TMC3: variants seen among roughly 807,000 people sequenced by gnomAD.
TMC3 encodes the protein transmembrane channel like 3, also known as transmembrane channel-like protein 3.
In TMC3, 98 loss-of-function variants were observed where a neutral mutation model predicts 110.6. The observed-to-expected ratio is 0.89, with a 90% CI of 0.75 to 1.05. The LOEUF (loss-of-function observed/expected upper bound fraction) is 1.05, where lower values mean the gene tolerates loss of function less well. TMC3 is among the 50% of genes least tolerant of loss of function. The pLI is 0.00. For missense variants in TMC3, 1,319 were observed against 1,373.2 expected, an observed-to-expected ratio of 0.96 and a Z score of 0.62; for synonymous variants, 489 against 513.1, an observed-to-expected ratio of 0.95 and a Z score of 0.63.
At chr15:81,335,013 C>A in intron 20 of TMC3, 38 bp from the exon 21 acceptor site, 1 of 1,604,986 alleles carries the variant, frequency 6.2e-7, no homozygotes, top group Non-Finnish European at 8.5e-7. Flanking sequence ...AGACAGGTGT[C>A]ACTGAGCAGG....
chr15:81,331,582 C>T lies in TMC3; in HGVS notation c.*837G>A, dbSNP rs1893462442. 1 of 152,122 alleles carries T rather than the reference C, an allele frequency of 6.6e-6. No individual in the cohort carries two copies. The highest frequency in any genetic ancestry group is 1.5e-5 in the Non-Finnish European group (1 of 68,018). The allele number at this position is 152,122 out of a possible 1,614,324, so 9.4% of individuals were successfully genotyped here. On this transcript the variant is annotated 3_prime_UTR_variant, in exon 22 of 22. Coordinates refer to ENST00000359440, the MANE Select transcript of TMC3 (RefSeq NM_001080532.3). ...CAACACAACCCCCAGGAATGTCAGGCGACCATCAGGTGATGGTCAGGTGGC... is the reference window on the plus strand; with the variant it reads ...CAACACAACCCCCAGGAATGTCAGGTGACCATCAGGTGATGGTCAGGTGGC...
chr15:81,362,534 A>G (rs1012078389), intron 3 of TMC3, among the ~76,000 whole-genome samples: 4 of 152,156 alleles, frequency 2.6e-5, no homozygotes, highest in Non-Finnish European at 5.9e-5. Flanking sequence ...GCAGCCCCAT[A>G]TAATATGCAC....
intron 3 of TMC3, among the ~76,000 whole-genome samples, chr15:81,367,838 G>A (rs1894348275): frequency 6.6e-6 from 1 of 152,250 alleles, no homozygotes; most frequent in East Asian, 1.9e-4. Context: ...ACTGGCACTC[G>A]CAACCTGTGT....
At chr15:81,339,807 C>T (rs1036617528) in intron 16 of TMC3, among the ~76,000 whole-genome samples, 4 of 152,238 alleles carry the variant, frequency 2.6e-5, no homozygotes, top group Admixed American at 6.5e-5. Flanking sequence ...CCCAGGAGTT[C>T]CACACAGTAA....
intron 12 of TMC3, among the ~76,000 whole-genome samples, chr15:81,345,291 A>G (rs1174244230): frequency 6.7e-6 from 1 of 150,148 alleles, no homozygotes; most frequent in African/African-American, 2.5e-5. Context: ...CAAGAGCTTT[A>G]GATAACGATT....
At chr15:81,360,363 C>T (rs899752868) in intron 4 of TMC3, among the ~76,000 whole-genome samples, 5 of 152,170 alleles carry the variant, frequency 3.3e-5, no homozygotes, top group African/African-American at 1.2e-4. Flanking sequence ...AGCATTTTCT[C>T]TTGCCAAAAA....
In TMC3 at chr15:81,356,463, A is replaced by C. The variant is rs1205797524; in HGVS notation, c.875T>G (p.Ile292Arg). Residue 292 changes from isoleucine to arginine, a missense_variant, in exon 8 of 22, where the codon ATA (isoleucine) becomes AGA (arginine). Coordinates refer to ENST00000359440, the MANE Select transcript of TMC3 (RefSeq NM_001080532.3). Reference protein sequence around the residue: ...PEAAESKTAAIVNSIREAILE... With the variant: ...PEAAESKTAARVNSIREAILE... ...CTCACTCACCCTGATGCTGTTCACT[A>C]TGGCAGCTGTTTTGCTCTCTGCAGC... The C allele has an allele frequency of 9.6e-6, 15 of 1,568,104 alleles. No individual in the cohort carries two copies. Among genetic ancestry groups the C allele is most frequent in the Admixed American group, 1.9e-5 (1 of 53,548 alleles).
At position 81,335,117 on chromosome 15, in the gene TMC3, G is replaced by A. The variant is rs540405758; in HGVS notation, c.2204-142C>T. The A allele has an allele frequency of 8.5e-5, 73 of 853,906 alleles. 1 individual carries two copies. In the South Asian group the frequency reaches 1.3e-3, roughly 15 times the overall value. 52.9% of individuals were successfully genotyped at this position (853,906 alleles called of 1,614,324 possible). ...GTGCACTTACAAATGCACCTAACCA[G>A]TGGGCAACAAACATTCTGTAATTCA... On this transcript the variant is annotated intron_variant, in intron 20 of 21. Coordinates refer to ENST00000359440, the MANE Select transcript of TMC3 (RefSeq NM_001080532.3).
At position 81,332,470 on chromosome 15, in the gene TMC3, C is replaced by T. The variant is rs377344831; in HGVS notation, c.3252G>A (p.Ser1084=). 1.1e-5 allele frequency: 17 copies of T among 1,612,342 alleles called. No individual in the cohort carries two copies. The highest frequency in any genetic ancestry group is 5.3e-5 in the African/African-American group (4 of 74,922). Residue 1084 remains serine (S), a synonymous_variant, in exon 22 of 22, where the codon TCG becomes TCA. Coordinates refer to ENST00000359440, the MANE Select transcript of TMC3 (RefSeq NM_001080532.3). ...VGQPSRRKAK[S]GQELTVDLDD... Reference sequence around the variant, plus strand: ...CCAGATCCACGGTCAGCTCCTGCCCCGACTTGGCCTTCCTCCTGCTGGGCT... The same window carrying T: ...CCAGATCCACGGTCAGCTCCTGCCCTGACTTGGCCTTCCTCCTGCTGGGCT...
chr15:81,344,779 G>A lies in TMC3; in HGVS notation c.1505C>T (p.Thr502Ile). 1.2e-6 allele frequency: 2 copies of A among 1,613,858 alleles called. No homozygotes were observed. The highest frequency in any genetic ancestry group is 1.7e-6 in the Non-Finnish European group (2 of 1,179,864). The change falls in exon 13 of 22, where the codon ACA (threonine) becomes ATA (isoleucine). Residue 502 changes from threonine to isoleucine, a missense_variant. Physicochemically the swap from Thr to Ile is moderately conservative, Grantham distance 89 (BLOSUM62 -1). Transcript: ENST00000359440. ...TQSPQDQCWE[T>I]YVGQEMLKLS... The stretch of plus-strand genomic sequence containing the variant: ...AAAGAGAACCACCTGACCAACGTAT[G>A]TCTCCCAGCACTGGTCTTGTGGACT...
intron 4 of TMC3, among the ~76,000 whole-genome samples, chr15:81,360,368 C>CA: frequency 6.6e-6 from 1 of 152,084 alleles, no homozygotes; most frequent in East Asian, 1.9e-4. Context: ...TTTCTCTTGC[C>CA]AAAAATACTC....
chr15:81,358,205 C>G lies in TMC3; in HGVS notation c.687G>C (p.Ala229=), dbSNP rs188871908. The G allele has an allele frequency of 3.1e-6, 5 of 1,613,058 alleles. No homozygotes were observed. Among genetic ancestry groups the G allele is most frequent in the South Asian group, 1.1e-5 (1 of 90,918 alleles). The part of the protein sequence containing the change: ...IGRAGYRLPL[A]YFLVGMAVFA... ...ACACTGCCATCCCCACTAGGAAATA[C>G]GCCAAGGGCAGCCGGTAGCCAGCTC... is the stretch of plus-strand genomic sequence containing the variant. Residue 229 remains alanine, a synonymous_variant, in exon 7 of 22, where the codon GCG becomes GCC. Transcript: ENST00000359440.
chr15:81,359,307 T>C, intron 5 of TMC3, 58 bp downstream of exon 5: 1 of 1,260,234 alleles, frequency 7.9e-7, no homozygotes. Context: ...AGCCATTTTA[T>C]GCGACTGCTG....
At chr15:81,365,677 AAAAAAAAAG>A (rs1894297025) in intron 3 of TMC3, among the ~76,000 whole-genome samples, 1 of 134,342 alleles carries the variant, frequency 7.4e-6, no homozygotes, top group African/African-American at 3.5e-5. Context: ...TCTCAAAAAA[AAAAAAAAAG>A]AAAAAGAAAA....
chr15:81,351,473 T>A (rs1383645443), intron 10 of TMC3, among the ~76,000 whole-genome samples: 2 of 150,646 alleles, frequency 1.3e-5, no homozygotes, highest in African/African-American at 4.9e-5. Flanking sequence ...TGCCTCAGCC[T>A]CCTGAGTAGC....
At position 81,372,753 on chromosome 15, in the gene TMC3, A is replaced by C. The variant is rs1167943009; in HGVS notation, c.90-16T>G. The C allele has an allele frequency of 6.2e-7, 1 of 1,613,064 alleles. No homozygotes were observed. Among genetic ancestry groups the C allele is most frequent in the Admixed American group, 1.7e-5 (1 of 59,956 alleles). ...ATCCAAGTTGCTGAATGATCAGGGC[A>C]TTAAGGAGGAAATCTGATTAGAAGA... On this transcript the variant is annotated splice_polypyrimidine_tract_variant and intron_variant, in intron 1 of 21. Transcript: ENST00000359440.
At chr15:81,345,117 AT>A in intron 12 of TMC3, 106 bp from the exon 13 acceptor site, 2 of 1,472,648 alleles carry the variant, frequency 1.4e-6, no homozygotes, top group East Asian at 2.5e-5. Flanking sequence ...GTGTCATTGC[AT>A]TGCTTGGGAG....
Position 81,334,714 on chromosome 15 carries a change from C to T in TMC3, c.2459+6G>A, listed in dbSNP as rs2141688976. ...GGTTTTAATCTGTGCTGCAGTGGAGCCTCACCTGTTAGTTTCATGCTCTAG... is the reference window on the plus strand; with the variant it reads ...GGTTTTAATCTGTGCTGCAGTGGAGTCTCACCTGTTAGTTTCATGCTCTAG... On this transcript the variant is annotated splice_donor_region_variant and intron_variant, in intron 21 of 21. Coordinates refer to ENST00000359440, the MANE Select transcript of TMC3 (RefSeq NM_001080532.3). 6.2e-7 allele frequency: 1 copy of T among 1,612,688 alleles called. No homozygotes were observed.
Position 81,358,488 on chromosome 15 carries a change from G to A in TMC3, c.514C>T (p.Gln172Ter), listed in dbSNP as rs1343078956. Reference protein sequence around the residue: ...FIVIPELIAGQPFGSTARKTI... With the variant: ...FIVIPELIAG ...TTCCTGGCTGTGCTTCCAAAGGGCT[G>A]GCCTGCAATCAGCTGGTGAGAGAAG... The change falls in exon 6 of 22, where the codon CAG becomes TAG. Residue 172 changes from glutamine (Q) to a stop codon, truncating the protein, a stop_gained. Coordinates refer to ENST00000359440, the MANE Select transcript of TMC3 (RefSeq NM_001080532.3). LOFTEE classifies it high-confidence loss of function. 7 of 1,611,548 alleles carry A rather than the reference G, an allele frequency of 4.3e-6. No homozygotes were observed. Among genetic ancestry groups the A allele is most frequent in the South Asian group, 1.1e-5 (1 of 90,794 alleles).
Sources: gnomAD v4.1 joint callset for allele counts (sites outside exome capture counted in the v4.1 genomes callset) on GRCh38, gnomAD v4.1.1 for gene constraint, MANE v1.5 for transcripts, NCBI Gene and HGNC (gene_info 2026-07-23, HGNC 2026-07-21) for gene names.